The following PROS1 variants were observed in gnomAD, a reference collection of about 807,000 sequenced individuals.
PROS1 encodes the protein vitamin K-dependent protein S.
In PROS1, 29 loss-of-function variants were observed where a neutral mutation model predicts 75.9. The observed-to-expected ratio is 0.38, with a 90% CI of 0.28 to 0.52. PROS1 has a LOEUF of 0.52. Ranked by LOEUF, PROS1 falls within the 20% of genes least tolerant of loss-of-function variation. The probability of loss-of-function intolerance (pLI) is 0.83; values close to 1 mark genes in which losing one functional copy is unlikely to be tolerated. For synonymous variants in PROS1, 245 were observed against 280.6 expected (o/e 0.87, Z 1.27); for missense variants, 680 against 810.3 (o/e 0.84, Z 1.95).
intron 9 of PROS1, among the ~76,000 whole-genome samples, chr3:93,893,716 G>A (rs1481362739): frequency 6.6e-6 from 1 of 152,162 alleles, no homozygotes; most frequent in Non-Finnish European, 1.5e-5. Flanking sequence ...AAGCCTTCAT[G>A]TGTGGTAAGA....
chr3:93,905,037 T>C (rs1708652758), intron 6 of PROS1, among the ~76,000 whole-genome samples: 1 of 152,152 alleles, frequency 6.6e-6, no homozygotes, highest in African/African-American at 2.4e-5. Flanking sequence ...GAAGGGCTGA[T>C]GTTGGAAATC....
At chr3:93,904,551 C>T (rs558418832) in intron 6 of PROS1, among the ~76,000 whole-genome samples, 1 of 152,032 alleles carries the variant, frequency 6.6e-6, no homozygotes, top group Non-Finnish European at 1.5e-5. Flanking sequence ...CAATTTAGGG[C>T]TTTACCAAAA....
intron 3 of PROS1, among the ~76,000 whole-genome samples, chr3:93,916,867 G>C (rs561077407): frequency 2.0e-5 from 3 of 152,140 alleles, no homozygotes; most frequent in Non-Finnish European, 2.9e-5. Flanking sequence ...TCCTTTTGCC[G>C]CTTTCTATAG....
chr3:93,910,740 A>G (rs1472489736), intron 3 of PROS1, 35 bp from the exon 4 acceptor site: 1 of 1,516,880 alleles, frequency 6.6e-7, no homozygotes, highest in East Asian at 2.3e-5. Flanking sequence ...TTCTTAGAGT[A>G]GACACACATA....
At chr3:93,876,481 C>T (rs1576171695) in intron 14 of PROS1, among the ~76,000 whole-genome samples, 1 of 143,408 alleles carries the variant, frequency 7.0e-6, no homozygotes, top group Non-Finnish European at 1.5e-5. Context: ...CCCAGCTACT[C>T]GGGAGGTTGA....
chr3:93,927,909 G>GTGTGTATATATATATGTGTATATATATA (rs1432551328), intron 1 of PROS1, among the ~76,000 whole-genome samples: 1 of 136,346 alleles, frequency 7.3e-6, no homozygotes, highest in Non-Finnish European at 1.5e-5. Context: ...ATGTGTGTGT[G>GTGTGTATATATATATGTGTATATATATA]TGTGTATATA....
Position 93,877,051 on chromosome 3 carries a change from G to A in PROS1, c.1785C>T (p.Ile595=), listed in dbSNP as rs1421085031. The change falls in exon 14 of 15, where the codon ATC becomes ATT. Residue 595 remains isoleucine (I), a synonymous_variant. Transcript: ENST00000394236. ...ELSTPLKIET[I]SHEDLQRQLA... Reference sequence around the variant, plus strand: ...GTTGTCTTTGAAGGTCTTCATGGGAGATGGTTTCTATTTTAAGTGGTGTCG... The same window carrying A: ...GTTGTCTTTGAAGGTCTTCATGGGAAATGGTTTCTATTTTAAGTGGTGTCG... 1 of 1,614,008 alleles carries A rather than the reference G, an allele frequency of 6.2e-7. No individual in the cohort carries two copies. The highest frequency in any genetic ancestry group is 1.7e-5 in the Admixed American group (1 of 60,024).
chr3:93,897,717 T>C (rs1176112337), intron 8 of PROS1, among the ~76,000 whole-genome samples: 1 of 152,082 alleles, frequency 6.6e-6, no homozygotes, highest in Non-Finnish European at 1.5e-5. Flanking sequence ...AGGCATTTTT[T>C]ATGGTCTGCC....
Position 93,884,889 on chromosome 3 carries a change from G to C in PROS1, c.1331C>G (p.Pro444Arg), listed in dbSNP as rs369244777. The change falls in exon 12 of 15, where the codon CCT becomes CGT. Residue 444 changes from proline (P) to arginine (R), a missense_variant. Transcript: ENST00000394236. ...VESELIKPIN[P>R]RLDGCIRSWN... The stretch of plus-strand genomic sequence containing the variant: ...GCTTCGTATACATCCATCTAGACGA[G>C]GGTTAATCTAACAAATTAAAATACA... 3.1e-6 allele frequency: 5 copies of C among 1,612,192 alleles called. No individual in the cohort carries two copies. Among genetic ancestry groups the C allele is most frequent in the Non-Finnish European group, 4.2e-6 (5 of 1,179,150 alleles).
Position 93,893,159 on chromosome 3 carries a change from A to T in PROS1, c.966-37T>A, listed in dbSNP as rs748325717. On this transcript the variant is annotated intron_variant, in intron 9 of 14. Transcript: ENST00000394236. Reference sequence around the variant, plus strand: ...ACAAAGAGAGATCCTTAAGAGTAAGAAATACAGAAAGCTCAATGCATTATT... The same window carrying T: ...ACAAAGAGAGATCCTTAAGAGTAAGTAATACAGAAAGCTCAATGCATTATT... 3.2e-6 allele frequency: 5 copies of T among 1,549,602 alleles called. No homozygotes were observed. The African/African-American group carries it at 5.5e-5, about 17-fold the overall frequency.
rs769954380 is a variant in PROS1 at position 93,973,786 on chromosome 3, G to A, written c.-37C>T. ...CGGAGGCGCCGGCAGGGACGGTGGC[G>A]CGTCGCGGCGGGGACCGGAGCGCTA... On this transcript the variant is annotated 5_prime_UTR_variant, in exon 1 of 15. Transcript: ENST00000394236. The A allele has an allele frequency of 5.1e-6, 8 of 1,577,766 alleles. No individual in the cohort carries two copies. The highest frequency in any genetic ancestry group is 6.9e-6 in the Non-Finnish European group (8 of 1,157,478).
At position 93,879,331 on chromosome 3, in the gene PROS1, A is replaced by C. The variant is rs199469501; in HGVS notation, c.1493-17T>G. On this transcript the variant is annotated splice_polypyrimidine_tract_variant and intron_variant, in intron 12 of 14. Coordinates refer to ENST00000394236, the MANE Select transcript of PROS1 (RefSeq NM_000313.4). ...ATACATTATCTATTTAAAATAATGA[A>C]ACAGAAGCATGATCAATGCACTCCT... The C allele has an allele frequency of 6.2e-7, 1 of 1,613,208 alleles. No individual in the cohort carries two copies. Among genetic ancestry groups the C allele is most frequent in the African/African-American group, 1.3e-5 (1 of 74,910 alleles).
At chr3:93,951,851 GACAC>G (rs990161316) in intron 1 of PROS1, among the ~76,000 whole-genome samples, 27 of 152,144 alleles carry the variant, frequency 1.8e-4, no homozygotes, top group Admixed American at 1.8e-3. Flanking sequence ...CATGTGCACA[GACAC>G]ACATAGGCTC....
chr3:93,895,040 T>C (rs1708480809), intron 9 of PROS1, among the ~76,000 whole-genome samples: 1 of 152,160 alleles, frequency 6.6e-6, no homozygotes, highest in African/African-American at 2.4e-5. Context: ...GTCCCTTATA[T>C]AGAATGGCAT....
chr3:93,941,383 T>C (rs1392282956), intron 1 of PROS1, among the ~76,000 whole-genome samples: 1 of 152,184 alleles, frequency 6.6e-6, no homozygotes, highest in African/African-American at 2.4e-5. Flanking sequence ...CTCTCCCTGC[T>C]GATCATGACC....
intron 9 of PROS1, among the ~76,000 whole-genome samples, chr3:93,895,004 T>A (rs910212872): frequency 2.0e-5 from 3 of 152,174 alleles, no homozygotes; most frequent in Non-Finnish European, 4.4e-5. Context: ...GACCTCTGGA[T>A]GGTATCAATA....
At chr3:93,887,004 C>G (rs1473219940) in intron 10 of PROS1, among the ~76,000 whole-genome samples, 1 of 151,292 alleles carries the variant, frequency 6.6e-6, no homozygotes, top group East Asian at 1.9e-4. Flanking sequence ...CTGCAAGCTC[C>G]GCTTCCCGGG....
Position 93,941,269 on chromosome 3 carries a change from T to G in PROS1, c.77-13862A>C, listed in dbSNP as rs527713017. On this transcript the variant is annotated intron_variant, in intron 1 of 14. Transcript: ENST00000394236. ...CTCAAAAAGACACCCTCCTGCTCCT[T>G]CAACATTTATTCTCCATGGGATATC... 4.6e-5 allele frequency among the ~76,000 whole-genome samples: 7 copies of G among 152,278 alleles called. No individual in the cohort carries two copies. The South Asian group carries it at 1.5e-3, about 32-fold the overall frequency.
chr3:93,912,896 T>C (rs1470108338), intron 3 of PROS1, among the ~76,000 whole-genome samples: 1 of 152,196 alleles, frequency 6.6e-6, no homozygotes, highest in African/African-American at 2.4e-5. Flanking sequence ...CAGCACATAC[T>C]TTTTGAGGGT....
Sources: allele counts gnomAD v4.1 joint callset (sites outside exome capture counted in the v4.1 genomes callset), GRCh38; gene constraint gnomAD v4.1.1; transcripts MANE v1.5; gene names NCBI Gene and HGNC (gene_info 2026-07-23, HGNC 2026-07-21).